Variants in GABRB1 observed in about 807,000 individuals in gnomAD.
GABRB1 encodes gamma-aminobutyric acid type A receptor subunit beta1.
GABRB1 carries 17 observed loss-of-function variants against 51.6 expected under a neutral mutation model. That is an observed-to-expected ratio of 0.33 (90% CI 0.23 to 0.49). The LOEUF (loss-of-function observed/expected upper bound fraction) is 0.49. Among genes scored for constraint, GABRB1 ranks in the 20% least tolerant of loss-of-function variants. The probability of loss-of-function intolerance (pLI) is 0.99; values close to 1 mark genes in which losing one functional copy is unlikely to be tolerated. For synonymous variants in GABRB1, 247 were observed against 218.9 expected, an observed-to-expected ratio of 1.13 and a Z score of -1.14; for missense variants, 410 against 600.6, an observed-to-expected ratio of 0.68 and a Z score of 3.32.
rs2110054978 is a variant in GABRB1 at position 47,406,677 on chromosome 4, C to T, written c.836-5C>T. ...TCAGCTAAGTGTTGTCTTTCTCTTTCACAGGAATCACGACAGTGCTTACAA... is the reference window on the plus strand; with the variant it reads ...TCAGCTAAGTGTTGTCTTTCTCTTTTACAGGAATCACGACAGTGCTTACAA... On this transcript the variant is annotated splice_polypyrimidine_tract_variant and splice_region_variant and intron_variant, in intron 7 of 8. Transcript: ENST00000295454. 1 of 1,614,046 alleles carries T rather than the reference C, an allele frequency of 6.2e-7. No individual in the cohort carries two copies.
chr4:47,404,607 G>A lies in GABRB1; in HGVS notation c.835+896G>A, dbSNP rs527870048. On this transcript the variant is annotated intron_variant, in intron 7 of 8. Coordinates refer to ENST00000295454, the MANE Select transcript of GABRB1 (RefSeq NM_000812.4). ...GCTGGACTAGATGATCAGCATACCC[G>A]TTCACAGCTATACTAATTGTCATCA... 1.6e-4 allele frequency among the ~76,000 whole-genome samples: 24 copies of A among 151,798 alleles called. No individual in the cohort carries two copies. In the South Asian group the frequency reaches 3.3e-3, roughly 21 times the overall value.
At chr4:47,345,746 C>T (rs1250716257) in intron 5 of GABRB1, among the ~76,000 whole-genome samples, 2 of 152,126 alleles carry the variant, frequency 1.3e-5, no homozygotes, top group South Asian at 2.1e-4. Context: ...AATGTTACTC[C>T]GGACCTCATG....
chr4:47,012,368 G>A (rs1724606892), intron 1 of GABRB1, among the ~76,000 whole-genome samples: 2 of 151,920 alleles, frequency 1.3e-5, no homozygotes, highest in African/African-American at 4.8e-5. Context: ...CCTCTGATAG[G>A]CCACAGTGTG....
At chr4:47,018,447 A>T (rs1724812484) in intron 1 of GABRB1, among the ~76,000 whole-genome samples, 1 of 152,172 alleles carries the variant, frequency 6.6e-6, no homozygotes. Context: ...TGCCACAAAA[A>T]CAGTATGATA....
intron 4 of GABRB1, among the ~76,000 whole-genome samples, chr4:47,209,343 T>A (rs1219514425): frequency 2.0e-5 from 3 of 152,084 alleles, no homozygotes; most frequent in Non-Finnish European, 4.4e-5. Flanking sequence ...TAGAATCTCA[T>A]AGCTTCAGCT....
chr4:47,098,082 CA>C (rs1174800678), intron 3 of GABRB1, among the ~76,000 whole-genome samples: 3 of 152,042 alleles, frequency 2.0e-5, no homozygotes, highest in Middle Eastern at 3.4e-3. Context: ...GCATTGAACA[CA>C]AGGGCCATAA....
chr4:47,271,496 C>A (rs142312799), intron 4 of GABRB1, among the ~76,000 whole-genome samples: 5 of 152,272 alleles, frequency 3.3e-5, no homozygotes, highest in Non-Finnish European at 7.4e-5. Flanking sequence ...CTGTTGGCCA[C>A]CATCCAATAT....
upstream of GABRB1, chr4:47,031,372 A>G (rs1377716377): frequency 4.2e-6 from 2 of 475,986 alleles, no homozygotes; most frequent in East Asian, 7.7e-5. Context: ...TGCATGAAGG[A>G]AACTCCGTTT....
intron 5 of GABRB1, among the ~76,000 whole-genome samples, chr4:47,373,662 GT>G (rs1463437867): frequency 1.3e-5 from 2 of 152,170 alleles, no homozygotes; most frequent in Non-Finnish European, 2.9e-5. Flanking sequence ...GTCTTGAGCT[GT>G]GATTTGTAAA....
intron 3 of GABRB1, among the ~76,000 whole-genome samples, chr4:47,109,079 T>G (rs1015828549): frequency 6.6e-6 from 1 of 152,090 alleles, no homozygotes; most frequent in Middle Eastern, 3.2e-3. Flanking sequence ...TCTACAAGTC[T>G]GATATGTTTT....
At chr4:47,341,400 G>T (rs189611301) in intron 5 of GABRB1, among the ~76,000 whole-genome samples, 9 of 152,244 alleles carry the variant, frequency 5.9e-5, no homozygotes, top group Admixed American at 4.6e-4. Flanking sequence ...TGCACTTATG[G>T]AAATGTATTT....
At chr4:47,173,560 G>A (rs1331807568) in intron 4 of GABRB1, among the ~76,000 whole-genome samples, 3 of 152,148 alleles carry the variant, frequency 2.0e-5, no homozygotes, top group East Asian at 1.9e-4. Flanking sequence ...GCCTCCAAAT[G>A]TGACATGATA....
At chr4:47,105,406 A>C (rs1247484260) in intron 3 of GABRB1, among the ~76,000 whole-genome samples, 1 of 150,780 alleles carries the variant, frequency 6.6e-6, no homozygotes, top group Non-Finnish European at 1.5e-5. Context: ...GTGTAGGAAC[A>C]AGGTGGTCCT....
At chr4:47,346,829 A>G (rs943498264) in intron 5 of GABRB1, among the ~76,000 whole-genome samples, 1 of 152,262 alleles carries the variant, frequency 6.6e-6, no homozygotes, top group African/African-American at 2.4e-5. Context: ...ACAAAAAGGC[A>G]TGGATGACCA....
At chr4:47,065,945 C>T (rs1289004380) in intron 3 of GABRB1, among the ~76,000 whole-genome samples, 2 of 152,102 alleles carry the variant, frequency 1.3e-5, no homozygotes, top group African/African-American at 4.8e-5. Context: ...GGTGTCTGTA[C>T]TGTGTGTCAG....
intron 4 of GABRB1, among the ~76,000 whole-genome samples, chr4:47,213,607 G>A (rs984867507): frequency 1.3e-5 from 2 of 151,858 alleles, no homozygotes; most frequent in Admixed American, 6.6e-5. Context: ...ATCTTTAGTA[G>A]TATTTAACTC....
intron 5 of GABRB1, among the ~76,000 whole-genome samples, chr4:47,381,899 G>A (rs1336629672): frequency 6.6e-6 from 1 of 152,150 alleles, no homozygotes; most frequent in Admixed American, 6.6e-5. Context: ...AAAGAGCAAA[G>A]AATTTGCAAA....
At chr4:47,339,062 G>A (rs928057367) in intron 5 of GABRB1, among the ~76,000 whole-genome samples, 4 of 152,106 alleles carry the variant, frequency 2.6e-5, no homozygotes, top group African/African-American at 4.8e-5. Flanking sequence ...TCCTTACCAT[G>A]TGTCATGAAC....
At chr4:47,175,658 G>C (rs776190275) in intron 4 of GABRB1, among the ~76,000 whole-genome samples, 2 of 152,090 alleles carry the variant, frequency 1.3e-5, no homozygotes, top group Admixed American at 1.3e-4. Flanking sequence ...CCATGAGTAG[G>C]GGATTTCCTC....
Sources: allele counts gnomAD v4.1 joint callset (sites outside exome capture counted in the v4.1 genomes callset), GRCh38; gene constraint gnomAD v4.1.1; transcripts MANE v1.5; gene names NCBI Gene and HGNC (gene_info 2026-07-23, HGNC 2026-07-21).